The following DRC1 variants were observed in gnomAD, a reference collection of about 807,000 sequenced individuals.
DRC1 encodes dynein regulatory complex subunit 1.
In DRC1, 74 loss-of-function variants were observed where a neutral mutation model predicts 98.7. The ratio of observed to expected loss-of-function variants is 0.75; its 90% CI spans 0.62 to 0.91. The LOEUF (loss-of-function observed/expected upper bound fraction) is 0.91, where lower values mean the gene tolerates loss of function less well. Ranked by LOEUF, DRC1 falls within the 40% of genes least tolerant of loss-of-function variation. DRC1 has a pLI of 0.00. For missense variants in DRC1, 875 were observed against 886.0 expected, an observed-to-expected ratio of 0.99 and a Z score of 0.16; for synonymous variants, 336 against 334.1, an observed-to-expected ratio of 1.01 and a Z score of -0.06.
intron 16 of DRC1, among the ~76,000 whole-genome samples, chr2:26,455,852 A>G (rs529433473): frequency 5.1e-4 from 77 of 152,328 alleles, no homozygotes; most frequent in Non-Finnish European, 7.9e-4. Flanking sequence ...GAAAAAGTCC[A>G]TTGCTGACAT....
chr2:26,422,382 T>C (rs549844468), intron 3 of DRC1, among the ~76,000 whole-genome samples: 132 of 152,288 alleles, frequency 8.7e-4, no homozygotes, highest in Non-Finnish European at 1.5e-3. Flanking sequence ...GAGGGCTCCA[T>C]GCATAGAAGG....
intron 10 of DRC1, 189 bp from the exon 11 acceptor site, chr2:26,448,502 A>G (rs895768475): frequency 1.8e-5 from 13 of 714,434 alleles, no homozygotes; most frequent in African/African-American, 1.1e-4. Flanking sequence ...TCTGATTCCG[A>G]CCCCCTAGCC....
At chr2:26,429,985 G>A (rs1408998745) in intron 5 of DRC1, among the ~76,000 whole-genome samples, 2 of 152,158 alleles carry the variant, frequency 1.3e-5, no homozygotes, top group East Asian at 3.8e-4. Context: ...GGGCCTGGGG[G>A]TGCAGCTGTG....
chr2:26,435,614 T>A (rs940799967), intron 7 of DRC1, among the ~76,000 whole-genome samples: 1 of 152,150 alleles, frequency 6.6e-6, no homozygotes, highest in Non-Finnish European at 1.5e-5. Flanking sequence ...ACTGTTCCCC[T>A]CTTTGTGTCC....
rs2148007800 is a variant in DRC1 at position 26,454,776 on chromosome 2, C to T, written c.2049C>T (p.Ala683=). ...KQNLWDALYT[A]LEKYHLVLTQ... ...ACCTCTGGGATGCCCTCTACACAGCCTTGGAGAAGTACCAGTAAGTGTGCA... is the reference window on the plus strand; with the variant it reads ...ACCTCTGGGATGCCCTCTACACAGCTTTGGAGAAGTACCAGTAAGTGTGCA... The change falls in exon 15 of 17, where the codon GCC becomes GCT. Residue 683 remains alanine, a synonymous_variant. Coordinates refer to ENST00000288710, the MANE Select transcript of DRC1 (RefSeq NM_145038.5). The surrounding 1 kb of genome is among the most constrained non-coding windows in gnomAD (Gnocchi z 5.2). 1.2e-6 allele frequency: 2 copies of T among 1,614,128 alleles called. No individual in the cohort carries two copies. The highest frequency in any genetic ancestry group is 2.2e-5 in the East Asian group (1 of 44,880).
rs200193508 is a variant in DRC1 at position 26,455,623 on chromosome 2, TCA to T, written c.2166+395_2166+396del. 1.0e-3 allele frequency among the ~76,000 whole-genome samples: 152 copies of T among 152,332 alleles called. 1 individual carries two copies. In the East Asian group the frequency reaches 0.01, roughly 10 times the overall value. On this transcript the variant is annotated intron_variant, in intron 16 of 16. Transcript: ENST00000288710. ...CAGGGCGGAAACAATGCTCCTCATTTCACACAAAGGACAATCACAACTTGCAG... is the reference window on the plus strand; with the variant it reads ...CAGGGCGGAAACAATGCTCCTCATTTCACAAAGGACAATCACAACTTGCAG...
chr2:26,439,039 T>A lies in DRC1; in HGVS notation c.889-1339T>A, dbSNP rs1215831502. On this transcript the variant is annotated intron_variant, in intron 7 of 16. Transcript: ENST00000288710. ...GCCTAACATTTTCAGTGACCCTCCA[T>A]TGACTTCAGGATAATGCTTTAAATT... 4.6e-5 allele frequency among the ~76,000 whole-genome samples: 7 copies of A among 152,306 alleles called. No individual in the cohort carries two copies. The East Asian group carries it at 1.3e-3, about 29-fold the overall frequency.
intron 13 of DRC1, among the ~76,000 whole-genome samples, chr2:26,452,480 G>T (rs375947538): frequency 8.5e-5 from 13 of 152,150 alleles, no homozygotes; most frequent in African/African-American, 2.9e-4. Context: ...GGCTGCTCTC[G>T]AACTCCTGAC....
At chr2:26,415,485 G>A (rs1317565800) in intron 2 of DRC1, among the ~76,000 whole-genome samples, 1 of 152,168 alleles carries the variant, frequency 6.6e-6, no homozygotes, top group Non-Finnish European at 1.5e-5. Context: ...GAGGTATAGA[G>A]AGATCACTGA....
At chr2:26,430,560 G>T in intron 5 of DRC1, 1 of 617,562 alleles carries the variant, frequency 1.6e-6, no homozygotes. Flanking sequence ...GGGACTGTTG[G>T]CACATCTCCT....
chr2:26,423,676 G>A (rs1290094962), intron 3 of DRC1, among the ~76,000 whole-genome samples: 1 of 152,184 alleles, frequency 6.6e-6, no homozygotes, highest in Non-Finnish European at 1.5e-5. Context: ...AGACACTTGA[G>A]GTCATGTTGC....
chr2:26,432,373 C>T (rs1189691355), intron 7 of DRC1, among the ~76,000 whole-genome samples: 1 of 152,062 alleles, frequency 6.6e-6, no homozygotes, highest in Non-Finnish European at 1.5e-5. Context: ...GTAGCACACA[C>T]CTGTAGTCCC....
chr2:26,428,851 T>A (rs1198990739), intron 4 of DRC1, among the ~76,000 whole-genome samples: 1 of 152,130 alleles, frequency 6.6e-6, no homozygotes, highest in Non-Finnish European at 1.5e-5. Flanking sequence ...GTATATGTGG[T>A]CCATCATGGA....
At chr2:26,434,718 C>T (rs777115051) in intron 7 of DRC1, among the ~76,000 whole-genome samples, 30 of 151,982 alleles carry the variant, frequency 2.0e-4, no homozygotes, top group Non-Finnish European at 3.5e-4. Context: ...GGTGAAACCA[C>T]GTCTCTACTA....
intron 7 of DRC1, among the ~76,000 whole-genome samples, chr2:26,438,078 ACT>A (rs1225624175): frequency 1.5e-5 from 2 of 136,862 alleles, no homozygotes; most frequent in African/African-American, 5.8e-5. Flanking sequence ...GGCGAGAAAG[ACT>A]CTATCTCAAA....
At chr2:26,416,397 C>G (rs1298921923) in intron 2 of DRC1, among the ~76,000 whole-genome samples, 1 of 152,142 alleles carries the variant, frequency 6.6e-6, no homozygotes, top group Non-Finnish European at 1.5e-5. Context: ...GCCTCAGCCT[C>G]CCAAAGTGCT....
At chr2:26,418,567 A>AATTATATATAATT (rs1678899264) in intron 2 of DRC1, among the ~76,000 whole-genome samples, 2 of 104,920 alleles carry the variant, frequency 1.9e-5, no homozygotes, top group African/African-American at 9.1e-5. Context: ...TTTATATATA[A>AATTATATATAATT]TATATATTAT....
chr2:26,444,378 A>G (rs1298420857), intron 9 of DRC1, 22 bp downstream of exon 9: 1 of 1,610,958 alleles, frequency 6.2e-7, no homozygotes, highest in Admixed American at 1.7e-5. Flanking sequence ...ACTTGGTCCT[A>G]AGGCACTTGT....
chr2:26,456,376 A>G (rs1664172552), intron 16 of DRC1, 85 bp from the exon 17 acceptor site: 1 of 1,555,744 alleles, frequency 6.4e-7, no homozygotes, highest in Admixed American at 1.7e-5. Context: ...TTGGAGGCCC[A>G]TGGGAGAGCC....
Sources: gnomAD v4.1 joint callset for allele counts (sites outside exome capture counted in the v4.1 genomes callset) on GRCh38, gnomAD v4.1.1 for gene constraint, Gnocchi (gnomAD v3.1) non-coding constraint, MANE v1.5 for transcripts, NCBI Gene and HGNC (gene_info 2026-07-23, HGNC 2026-07-21) for gene names.